The following CFAP54 variants were observed in gnomAD, a reference collection of about 807,000 sequenced individuals.
CFAP54 encodes the protein cilia- and flagella-associated protein 54.
In CFAP54, 290 loss-of-function variants were observed where a neutral mutation model predicts 370.4. The ratio of observed to expected loss-of-function variants is 0.78; its 90% CI spans 0.71 to 0.86. The LOEUF is 0.86. CFAP54 is among the 40% of genes least tolerant of loss of function. The pLI is 0.00. For synonymous variants in CFAP54, 1,206 were observed against 1,236.5 expected, an observed-to-expected ratio of 0.98 and a Z score of 0.52; for missense variants, 3,399 against 3,528.7, an observed-to-expected ratio of 0.96 and a Z score of 0.93.
intron 19 of CFAP54, among the ~76,000 whole-genome samples, chr12:96,575,493 A>G (rs1043116863): frequency 6.6e-6 from 1 of 152,108 alleles, no homozygotes; most frequent in African/African-American, 2.4e-5. Context: ...ATGGCAAAAC[A>G]GAATGTTCCA....
chr12:96,519,431 T>C (rs141240629), intron 6 of CFAP54, among the ~76,000 whole-genome samples: 2 of 152,240 alleles, frequency 1.3e-5, no homozygotes, highest in African/African-American at 4.8e-5. Flanking sequence ...ATCCAGCATT[T>C]TCTTCCTTAG....
intron 60 of CFAP54, among the ~76,000 whole-genome samples, chr12:96,770,410 A>T (rs1451291921): frequency 1.3e-5 from 2 of 152,230 alleles, no homozygotes; most frequent in African/African-American, 4.8e-5. Context: ...ACACCCTGTC[A>T]ATTGTCAGGT....
intron 60 of CFAP54, among the ~76,000 whole-genome samples, chr12:96,782,024 G>A (rs561197815): frequency 1.3e-5 from 2 of 152,128 alleles, no homozygotes; most frequent in East Asian, 3.9e-4. Flanking sequence ...TTCCAGGAAT[G>A]CAAATGTAAT....
At chr12:96,530,843 T>C (rs973319447) in intron 9 of CFAP54, among the ~76,000 whole-genome samples, 2 of 152,236 alleles carry the variant, frequency 1.3e-5, no homozygotes, top group African/African-American at 4.8e-5. Flanking sequence ...GAATTTGGTG[T>C]ATCATTACTT....
rs745308243 is a variant in CFAP54 at position 96,720,553 on chromosome 12, G to A, written c.6953G>A (p.Arg2318Gln). ...QLAAVALQRH[R>Q]AAYSAAIVFS... ...GCTGCAGTTGCTCTGCAGAGGCACC[G>A]GGCGGCATACAGGTGCGTCTCTCCA... Residue 2318 changes from arginine to glutamine, a missense_variant, in exon 50 of 68, where the codon CGG (arginine) becomes CAG (glutamine). By Grantham distance (43) the Arg-to-Gln change is conservative. Coordinates refer to ENST00000524981, the MANE Select transcript of CFAP54 (RefSeq NM_001306084.2). The A allele has an allele frequency of 3.1e-5, 48 of 1,552,026 alleles. No homozygotes were observed. The highest frequency in any genetic ancestry group is 3.8e-5 in the Non-Finnish European group (44 of 1,145,624).
At chr12:96,868,418 T>G (rs1022435921) in intron 67 of CFAP54, among the ~76,000 whole-genome samples, 2 of 148,192 alleles carry the variant, frequency 1.3e-5, no homozygotes, top group East Asian at 2.0e-4. Flanking sequence ...AATTTTTTAC[T>G]TGTATGTTCA....
chr12:96,578,621 T>G (rs1181055624), intron 20 of CFAP54, among the ~76,000 whole-genome samples: 2 of 152,210 alleles, frequency 1.3e-5, no homozygotes, highest in Non-Finnish European at 2.9e-5. Flanking sequence ...GCCTATAGTT[T>G]TAGGACTCAT....
chr12:96,743,939 T>A (rs1267842512), intron 54 of CFAP54, 29 bp downstream of exon 54: 1 of 1,602,652 alleles, frequency 6.2e-7, no homozygotes, highest in Non-Finnish European at 8.5e-7. Context: ...CTGCGAGACA[T>A]AGAAACTTAC....
intron 59 of CFAP54, 83 bp from the exon 60 acceptor site, chr12:96,764,994 C>CT (rs58414715): frequency 0.33 from 358,142 of 1,101,362 alleles, 61,997 homozygotes; most frequent in East Asian, 0.6. Context: ...TATGAATTCA[C>CT]TTTTTTCACA....
chr12:96,792,458 A>G lies in CFAP54; in HGVS notation c.8809A>G (p.Ile2937Val). Residue 2937 changes from isoleucine to valine, a missense_variant, in exon 63 of 68, where the codon ATT (isoleucine) becomes GTT (valine). Ile to Val is a conservative substitution (Grantham distance 29). Coordinates refer to ENST00000524981, the MANE Select transcript of CFAP54 (RefSeq NM_001306084.2). The stretch of plus-strand genomic sequence containing the variant: ...CAAAGAACTTTGCTTTCAATGGTAC[A>G]TTCCTCCCCTGGATAGACCTCCCAA... ...SNKELCFQWY[I>V]PPLDRPPKET... 6.5e-7 allele frequency: 1 copy of G among 1,535,918 alleles called. No individual in the cohort carries two copies. The highest frequency in any genetic ancestry group is 8.7e-7 in the Non-Finnish European group (1 of 1,146,762).
chr12:96,786,094 AG>A (rs1161688246), intron 61 of CFAP54, among the ~76,000 whole-genome samples: 1 of 152,180 alleles, frequency 6.6e-6, no homozygotes, highest in Non-Finnish European at 1.5e-5. Context: ...GATCTGTTTT[AG>A]GGGGAACCCA....
chr12:96,707,307 T>G (rs1010909179), intron 47 of CFAP54, among the ~76,000 whole-genome samples: 1 of 152,210 alleles, frequency 6.6e-6, no homozygotes, highest in Admixed American at 6.5e-5. Context: ...GAATGCATTT[T>G]ACAGTTCATG....
chr12:96,874,564 A>G (rs1960245286), intron 67 of CFAP54, among the ~76,000 whole-genome samples: 1 of 150,682 alleles, frequency 6.6e-6, no homozygotes, highest in Non-Finnish European at 1.5e-5. Context: ...GTAAACTGGA[A>G]TCTTCTGTTT....
chr12:96,859,894 T>C (rs750966479), intron 66 of CFAP54, among the ~76,000 whole-genome samples: 1 of 152,220 alleles, frequency 6.6e-6, no homozygotes, highest in Non-Finnish European at 1.5e-5. Context: ...ATATTAGGAT[T>C]GATCAAGGAA....
intron 48 of CFAP54, 93 bp from the exon 49 acceptor site, chr12:96,718,350 C>T (rs887994627): frequency 1.4e-6 from 1 of 698,946 alleles, no homozygotes; most frequent in Admixed American, 2.2e-5. Flanking sequence ...CAGAGCCAGA[C>T]CCTGTCTCAA....
intron 26 of CFAP54, among the ~76,000 whole-genome samples, chr12:96,600,451 A>T (rs2136443302): frequency 6.6e-6 from 1 of 152,114 alleles, no homozygotes; most frequent in Admixed American, 6.5e-5. Context: ...TTTGCTTAGG[A>T]TTGTCTTGGC....
At chr12:96,589,372 T>G in intron 22 of CFAP54, 55 bp from the exon 23 acceptor site, 2 of 1,355,234 alleles carry the variant, frequency 1.5e-6, no homozygotes, top group Non-Finnish European at 2.0e-6. Context: ...AATTATTGTT[T>G]AAAACATTCA....
Position 96,626,420 on chromosome 12 carries a change from T to C in CFAP54, c.3977-393T>C, listed in dbSNP as rs573961846. Among the ~76,000 whole-genome samples, 12 of 151,792 alleles carry C rather than the reference T, an allele frequency of 7.9e-5. No homozygotes were observed. In the South Asian group the frequency reaches 2.5e-3, roughly 32 times the overall value. ...AAAAAAAAAAGAAAAAAGAAAAATG[T>C]ATTAGTGAATTTCAAGTTTAGCTAA... On this transcript the variant is annotated intron_variant, in intron 29 of 67. Transcript: ENST00000524981.
chr12:96,829,617 A>G (rs1382170015), intron 66 of CFAP54, among the ~76,000 whole-genome samples: 2 of 152,054 alleles, frequency 1.3e-5, no homozygotes, highest in African/African-American at 2.4e-5. Context: ...ATCTTAGTAC[A>G]TACATATTTC....
Sources: allele counts gnomAD v4.1 joint callset (sites outside exome capture counted in the v4.1 genomes callset), GRCh38; gene constraint gnomAD v4.1.1; transcripts MANE v1.5; gene names NCBI Gene and HGNC (gene_info 2026-07-23, HGNC 2026-07-21).